Variants in CA12 observed in about 807,000 individuals in gnomAD.
CA12 encodes the protein carbonic anhydrase 12, also known as carbonate dehydratase XII.
In CA12, 36 loss-of-function variants were observed where a neutral mutation model predicts 46.8. That is an observed-to-expected ratio of 0.77 (90% CI 0.59 to 1.02). CA12 has a LOEUF of 1.02. Ranked by LOEUF, CA12 falls within the 50% of genes least tolerant of loss-of-function variation. The pLI is 0.00. For missense variants in CA12, 436 were observed against 451.4 expected (o/e 0.97, Z 0.31); for synonymous variants, 202 against 187.0 (o/e 1.08, Z -0.65).
At chr15:63,375,844 T>C (rs1441613037) in intron 1 of CA12, among the ~76,000 whole-genome samples, 166 bp from the exon 2 acceptor site, 2 of 151,682 alleles carry the variant, frequency 1.3e-5, no homozygotes, top group Non-Finnish European at 1.5e-5. Flanking sequence ...AGTATTGCTC[T>C]TGTTGCCCAG....
intron 2 of CA12, among the ~76,000 whole-genome samples, chr15:63,354,898 G>A (rs1057471356): frequency 6.6e-6 from 1 of 152,168 alleles, no homozygotes; most frequent in Non-Finnish European, 1.5e-5. Context: ...AATATTGCTG[G>A]GTGGGGGATG....
In CA12 at chr15:63,327,359, C is replaced by T. The variant is rs1392315332; in HGVS notation, c.908-126G>A. On this transcript the variant is annotated intron_variant, in intron 9 of 10. Coordinates refer to ENST00000178638, the MANE Select transcript of CA12 (RefSeq NM_001218.5). This position sits in a 1 kb window ranked among gnomAD's most constrained non-coding sequence, Gnocchi z 4.5. Reference sequence around the variant, plus strand: ...CACAGAAAGGAATAATTTCCCCATCCCTGTTCTCAGATTCTGGTCTTTGGC... The same window carrying T: ...CACAGAAAGGAATAATTTCCCCATCTCTGTTCTCAGATTCTGGTCTTTGGC... The T allele has an allele frequency of 3.8e-6, 3 of 796,048 alleles. No individual in the cohort carries two copies. The highest frequency in any genetic ancestry group is 1.7e-5 in the African/African-American group (1 of 58,498). The allele number at this position is 796,048 out of a possible 1,614,324, so 49.3% of individuals were successfully genotyped here.
intron 2 of CA12, among the ~76,000 whole-genome samples, chr15:63,353,529 A>G (rs779567833): frequency 1.3e-5 from 2 of 152,146 alleles, no homozygotes; most frequent in Non-Finnish European, 2.9e-5. Context: ...TCCATCTGTT[A>G]GAAAGGTCTT....
rs756682721 is a variant in CA12 at position 63,345,899 on chromosome 15, A to T, written c.287-280T>A. On this transcript the variant is annotated intron_variant, in intron 3 of 10. Transcript: ENST00000178638. The surrounding 1 kb of genome is among the most constrained non-coding windows in gnomAD (Gnocchi z 4.3). ...ATGCCAGAAACGCTAACACTAGACC[A>T]ACGGATGGGTGTTTATTTACATATT... 1.8e-4 allele frequency among the ~76,000 whole-genome samples: 27 copies of T among 152,368 alleles called. No homozygotes were observed. Among genetic ancestry groups the T allele is most frequent in the Admixed American group, 4.6e-4 (7 of 15,310 alleles).
In CA12 at chr15:63,374,804, C is replaced by T. The variant is rs1317823411; in HGVS notation, c.106+854G>A. Among the ~76,000 whole-genome samples the T allele has an allele frequency of 1.3e-5, 2 of 152,200 alleles. No individual in the cohort carries two copies. The highest frequency in any genetic ancestry group is 2.9e-5 in the Non-Finnish European group (2 of 68,044). ...TGCATCCTGTGGCTTTAACTTTGGCCACAACCCTGCTTGCTTAAAATGCCT... is the reference window on the plus strand; with the variant it reads ...TGCATCCTGTGGCTTTAACTTTGGCTACAACCCTGCTTGCTTAAAATGCCT... On this transcript the variant is annotated intron_variant, in intron 2 of 10. Coordinates refer to ENST00000178638, the MANE Select transcript of CA12 (RefSeq NM_001218.5). The surrounding 1 kb of genome is among the most constrained non-coding windows in gnomAD (Gnocchi z 4.4).
chr15:63,367,567 G>A (rs1390474981), intron 2 of CA12, among the ~76,000 whole-genome samples: 1 of 152,232 alleles, frequency 6.6e-6, no homozygotes, highest in Non-Finnish European at 1.5e-5. Flanking sequence ...GGAGGGGGCA[G>A]CATGTGCCAC....
chr15:63,356,311 T>G (rs892083767), intron 2 of CA12, among the ~76,000 whole-genome samples: 3 of 152,138 alleles, frequency 2.0e-5, no homozygotes, highest in African/African-American at 7.2e-5. Flanking sequence ...GAGAATCGCT[T>G]AAATCCAGGA....
intron 2 of CA12, among the ~76,000 whole-genome samples, chr15:63,368,849 C>CGCTCA (rs60908437): frequency 6.6e-6 from 1 of 152,180 alleles, no homozygotes; most frequent in African/African-American, 2.4e-5. Flanking sequence ...AGGCTGGTGT[C>CGCTCA]AATCCCAAAT....
chr15:63,364,354 A>AAAAAAAAAAAAAAAAG (rs2039412318), intron 2 of CA12, among the ~76,000 whole-genome samples: 1 of 150,568 alleles, frequency 6.6e-6, no homozygotes, highest in Non-Finnish European at 1.5e-5. Context: ...AAAAAAAAAA[A>AAAAAAAAAAAAAAAAG]ACAGTGGGAC....
Position 63,381,698 on chromosome 15 carries a change from G to T in CA12, c.23C>A (p.Ala8Glu), listed in dbSNP as rs906555950. 2.5e-6 allele frequency: 4 copies of T among 1,608,428 alleles called. No homozygotes were observed. Among genetic ancestry groups the T allele is most frequent in the Non-Finnish European group, 3.4e-6 (4 of 1,177,548 alleles). Residue 8 changes from alanine to glutamate, a missense_variant, in exon 1 of 11, where the codon GCG becomes GAG. Physicochemically the swap from Ala to Glu is moderately radical, Grantham distance 107 (BLOSUM62 -1). Transcript: ENST00000178638. MPRRSLH[A>E]AAVLLLVILK... Reference sequence around the variant, plus strand: ...GATCACCAGCAGGAGCACGGCCGCCGCGTGCAGGCTGCGCCGGGGCATCTT... The same window carrying T: ...GATCACCAGCAGGAGCACGGCCGCCTCGTGCAGGCTGCGCCGGGGCATCTT...
chr15:63,344,622 A>G (rs996234430), intron 4 of CA12, among the ~76,000 whole-genome samples: 2 of 152,216 alleles, frequency 1.3e-5, no homozygotes, highest in Admixed American at 1.3e-4. Context: ...AGTCTGAAAC[A>G]TTAAGCAGTT....
At chr15:63,361,919 TAAACTC>T (rs1303288743) in intron 2 of CA12, among the ~76,000 whole-genome samples, 1 of 152,212 alleles carries the variant, frequency 6.6e-6, no homozygotes, top group African/African-American at 2.4e-5. Flanking sequence ...CAAATTTTGT[TAAACTC>T]AAGAACTAGT....
Position 63,341,870 on chromosome 15 carries a change from C to T in CA12, c.525+132G>A, listed in dbSNP as rs1055929962. 22 of 714,202 alleles carry T rather than the reference C, an allele frequency of 3.1e-5. No homozygotes were observed. Among genetic ancestry groups the T allele is most frequent in the South Asian group, 1.5e-5 (1 of 66,692 alleles). 44.2% of individuals were successfully genotyped at this position (714,202 alleles called of 1,614,324 possible). ...GAAGGTGCACTACAGGAGGATACCC[C>T]CTGCTCTGGAGTTGACACGGAGTCG... is the stretch of plus-strand genomic sequence containing the variant. On this transcript the variant is annotated intron_variant, in intron 5 of 10. Transcript: ENST00000178638. The surrounding 1 kb of genome is among the most constrained non-coding windows in gnomAD (Gnocchi z 5.2).
intron 2 of CA12, among the ~76,000 whole-genome samples, chr15:63,351,734 C>G (rs1314249500): frequency 6.6e-6 from 1 of 152,206 alleles, no homozygotes; most frequent in Non-Finnish European, 1.5e-5. Flanking sequence ...TTTCTAGTCC[C>G]TGACTTGAAC....
chr15:63,347,466 G>A (rs564812007), intron 2 of CA12, among the ~76,000 whole-genome samples: 2 of 152,086 alleles, frequency 1.3e-5, no homozygotes, highest in East Asian at 3.9e-4. Flanking sequence ...GTTTAAGCTG[G>A]AAAAAAATAT....
chr15:63,323,896 G>A lies in CA12; in HGVS notation c.*2389C>T. The A allele has an allele frequency of 6.6e-6, 1 of 152,202 alleles. No individual in the cohort carries two copies. The highest frequency in any genetic ancestry group is 1.9e-4 in the East Asian group (1 of 5,190). The allele number at this position is 152,202 out of a possible 1,614,324, so 9.4% of individuals were successfully genotyped here. On this transcript the variant is annotated 3_prime_UTR_variant, in exon 11 of 11. Coordinates refer to ENST00000178638, the MANE Select transcript of CA12 (RefSeq NM_001218.5). This position sits in a 1 kb window ranked among gnomAD's most constrained non-coding sequence, Gnocchi z 5.1. ...AAGATCTCACATGAGTGAGAATCCA[G>A]GGCCTTCCCCTCTGGCCCTGGCCCC...
intron 2 of CA12, among the ~76,000 whole-genome samples, chr15:63,371,962 C>G (rs1287840691): frequency 6.6e-6 from 1 of 152,060 alleles, no homozygotes; most frequent in Non-Finnish European, 1.5e-5. Flanking sequence ...CTTTGTAACT[C>G]TTTTATTGAA....
chr15:63,374,445 T>C lies in CA12; in HGVS notation c.106+1213A>G, dbSNP rs2039545939. The stretch of plus-strand genomic sequence containing the variant: ...ATCTCTGAAGCATTTGTTTATGATG[T>C]TATTATTACCTATTATGTTCTGCTT... On this transcript the variant is annotated intron_variant, in intron 2 of 10. Transcript: ENST00000178638. This position sits in a 1 kb window ranked among gnomAD's most constrained non-coding sequence, Gnocchi z 4.4. 6.6e-6 allele frequency among the ~76,000 whole-genome samples: 1 copy of C among 152,204 alleles called. No individual in the cohort carries two copies. The highest frequency in any genetic ancestry group is 1.5e-5 in the Non-Finnish European group (1 of 68,040).
intron 2 of CA12, among the ~76,000 whole-genome samples, chr15:63,370,932 A>G (rs1373316421): frequency 6.6e-6 from 1 of 152,076 alleles, no homozygotes; most frequent in Admixed American, 6.5e-5. Context: ...TCCCTTTGAT[A>G]GAGACAAGAG....
Sources: gnomAD v4.1 joint callset for allele counts (sites outside exome capture counted in the v4.1 genomes callset) on GRCh38, gnomAD v4.1.1 for gene constraint, Gnocchi (gnomAD v3.1) non-coding constraint, MANE v1.5 for transcripts, NCBI Gene and HGNC (gene_info 2026-07-23, HGNC 2026-07-21) for gene names.